The following ATOSA variants were observed in gnomAD, a reference collection of about 807,000 sequenced individuals.
ATOSA encodes the protein atos homolog protein A.
the ATOSA span, among the ~76,000 whole-genome samples, chr15:52,673,353 A>G: frequency 1.3e-5 from 2 of 152,208 alleles, no homozygotes; most frequent in Non-Finnish European, 2.9e-5. Context: ...TTTTAACATT[A>G]CTTACTGCTA....
At chr15:52,644,274 C>G in the ATOSA span, among the ~76,000 whole-genome samples, 1 of 152,070 alleles carries the variant, frequency 6.6e-6, no homozygotes, top group African/African-American at 2.4e-5. Context: ...TTAACTTTAC[C>G]TCTTCATCAG....
chr15:52,599,061 G>C, the ATOSA span, among the ~76,000 whole-genome samples: 3 of 152,208 alleles, frequency 2.0e-5, no homozygotes, highest in African/African-American at 4.8e-5. Context: ...AGAACTGTGA[G>C]CCAATTAAAC....
chr15:52,604,741 G>A, the ATOSA span, among the ~76,000 whole-genome samples: 1 of 152,174 alleles, frequency 6.6e-6, no homozygotes, highest in Non-Finnish European at 1.5e-5. Flanking sequence ...TTGAGGAGTG[G>A]AGAGATTTAT....
the ATOSA span, among the ~76,000 whole-genome samples, chr15:52,597,492 A>G: frequency 6.6e-6 from 1 of 152,184 alleles, no homozygotes; most frequent in African/African-American, 2.4e-5. Context: ...AAACAATGAC[A>G]CTCACTTAAA....
chr15:52,668,478 G>A, the ATOSA span, among the ~76,000 whole-genome samples: 1 of 152,168 alleles, frequency 6.6e-6, no homozygotes, highest in African/African-American at 2.4e-5. Context: ...ATAAATTCTG[G>A]TGTTCTACTG....
the ATOSA span, among the ~76,000 whole-genome samples, chr15:52,612,005 G>T: frequency 6.6e-6 from 1 of 151,838 alleles, no homozygotes; most frequent in Non-Finnish European, 1.5e-5. Flanking sequence ...TTTTTTTTGC[G>T]ACTGAGACTT....
chr15:52,582,485 G>C, the ATOSA span, among the ~76,000 whole-genome samples: 2 of 152,154 alleles, frequency 1.3e-5, no homozygotes, highest in African/African-American at 4.8e-5. Context: ...TTATTTAAAT[G>C]CTGCTCTCTT....
chr15:52,698,148 C>A, the ATOSA span, among the ~76,000 whole-genome samples: 5 of 150,990 alleles, frequency 3.3e-5, no homozygotes, highest in African/African-American at 1.2e-4. Context: ...GGCTAATTTT[C>A]TTTTCTATTT....
At chr15:52,669,680 T>C in the ATOSA span, among the ~76,000 whole-genome samples, 2 of 152,220 alleles carry the variant, frequency 1.3e-5, no homozygotes, top group East Asian at 3.8e-4. Flanking sequence ...CAAATACAGA[T>C]TGGTCATGTT....
chr15:52,639,224 G>C, the ATOSA span, among the ~76,000 whole-genome samples: 1 of 152,088 alleles, frequency 6.6e-6, no homozygotes, highest in Non-Finnish European at 1.5e-5. Flanking sequence ...TACTAGAAGG[G>C]ATAAGTGCTA....
At chr15:52,613,001 G>C in the ATOSA span, among the ~76,000 whole-genome samples, 1 of 151,920 alleles carries the variant, frequency 6.6e-6, no homozygotes, top group Non-Finnish European at 1.5e-5. Flanking sequence ...TTAATGCAGG[G>C]AAAATAATCA....
chr15:52,585,056 A>G, the ATOSA span: 1 of 764,046 alleles, frequency 1.3e-6, no homozygotes, highest in Non-Finnish European at 2.0e-6. Context: ...AATACCACTG[A>G]ATATAATTCA....
At chr15:52,584,640 A>G in the ATOSA span, 2 of 957,716 alleles carry the variant, frequency 2.1e-6, no homozygotes, top group South Asian at 3.6e-5. Flanking sequence ...AGCTAAGCAA[A>G]GTCCCAAGGG....
the ATOSA span, among the ~76,000 whole-genome samples, chr15:52,584,393 C>G: frequency 6.6e-6 from 1 of 151,994 alleles, no homozygotes; most frequent in Non-Finnish European, 1.5e-5. Flanking sequence ...CCACCTTGGC[C>G]TCCCAAAGTG....
the ATOSA span, chr15:52,601,059 C>A: frequency 7.1e-7 from 1 of 1,404,132 alleles, no homozygotes; most frequent in Non-Finnish European, 9.7e-7. Flanking sequence ...CTGTTTGAAA[C>A]ACACAAATGA....
the ATOSA span, among the ~76,000 whole-genome samples, chr15:52,673,382 A>G: frequency 3.9e-5 from 6 of 152,238 alleles, no homozygotes; most frequent in African/African-American, 1.2e-4. Context: ...GGAGCTTAAG[A>G]GCATATGCTC....
chr15:52,625,446 T>C, the ATOSA span, among the ~76,000 whole-genome samples: 100 of 152,314 alleles, frequency 6.6e-4, no homozygotes, highest in Non-Finnish European at 4.4e-4. Flanking sequence ...AAAATACTCT[T>C]TATTCTTGGT....
the ATOSA span, among the ~76,000 whole-genome samples, chr15:52,654,915 C>T: frequency 1.3e-5 from 2 of 151,864 alleles, no homozygotes; most frequent in Non-Finnish European, 2.9e-5. Flanking sequence ...CACATATACG[C>T]ATATTAAATA....
At chr15:52,626,057 T>A in the ATOSA span, among the ~76,000 whole-genome samples, 1 of 152,342 alleles carries the variant, frequency 6.6e-6, no homozygotes, top group East Asian at 1.9e-4. Context: ...TGGCTCATAG[T>A]GTATGCCATA....
Sources: allele counts gnomAD v4.1 joint callset (sites outside exome capture counted in the v4.1 genomes callset), GRCh38; gene constraint gnomAD v4.1.1; transcripts MANE v1.5; gene names NCBI Gene and HGNC (gene_info 2026-07-23, HGNC 2026-07-21).